The following FAM169A variants were observed in gnomAD, a reference collection of about 807,000 sequenced individuals.
FAM169A encodes family with sequence similarity 169 member A, also known as soluble lamin-associated protein of 75 kDa.
FAM169A carries 24 observed loss-of-function variants against 75.7 expected under a neutral mutation model. The ratio of observed to expected loss-of-function variants is 0.32; its 90% CI spans 0.23 to 0.45. The LOEUF (loss-of-function observed/expected upper bound fraction) is 0.45. Ranked by LOEUF, FAM169A falls within the 20% of genes least tolerant of loss-of-function variation. The pLI, the probability that FAM169A is intolerant of heterozygous loss-of-function variation, is 1.00. For synonymous variants in FAM169A, 271 were observed against 271.0 expected, an observed-to-expected ratio of 1.00 and a Z score of 0.00; for missense variants, 673 against 784.0, an observed-to-expected ratio of 0.86 and a Z score of 1.69.
chr5:74,847,206 G>A (rs950198961), intron 1 of FAM169A, among the ~76,000 whole-genome samples: 2 of 151,986 alleles, frequency 1.3e-5, no homozygotes, highest in East Asian at 1.9e-4. Context: ...TACTCACAAT[G>A]TTGTGCAACC....
chr5:74,828,905 C>G (rs1748171354), intron 5 of FAM169A, among the ~76,000 whole-genome samples: 1 of 152,066 alleles, frequency 6.6e-6, no homozygotes, highest in Non-Finnish European at 1.5e-5. Context: ...GCACTATAGC[C>G]ACACCCTGCC....
intron 1 of FAM169A, among the ~76,000 whole-genome samples, chr5:74,847,094 A>T (rs753661268): frequency 1.5e-4 from 23 of 152,208 alleles, no homozygotes; most frequent in Non-Finnish European, 3.4e-4. Context: ...AAAAACCAAA[A>T]CGCATTCTTC....
intron 12 of FAM169A, 150 bp from the exon 13 acceptor site, chr5:74,782,158 A>T (rs1054233116): frequency 1.6e-6 from 1 of 616,314 alleles, no homozygotes; most frequent in African/African-American, 1.8e-5. Flanking sequence ...CTGTTCTGCT[A>T]TATGTGTATA....
intron 1 of FAM169A, among the ~76,000 whole-genome samples, chr5:74,863,834 A>G (rs1750163035): frequency 6.6e-6 from 1 of 152,182 alleles, no homozygotes. Context: ...AATCAATGTA[A>G]AAGTTTAAGA....
intron 1 of FAM169A, among the ~76,000 whole-genome samples, chr5:74,858,574 G>A (rs72764690): frequency 0.15 from 22,202 of 151,962 alleles, 1,875 homozygotes; most frequent in African/African-American, 0.23. Flanking sequence ...AGACACCAGG[G>A]CTTACTTGAA....
chr5:74,783,370 G>C (rs1745508636), intron 11 of FAM169A, among the ~76,000 whole-genome samples: 1 of 152,158 alleles, frequency 6.6e-6, no homozygotes, highest in Non-Finnish European at 1.5e-5. Flanking sequence ...AAGGAAAGAT[G>C]GGGCAGGACC....
intron 5 of FAM169A, 59 bp downstream of exon 5, chr5:74,834,367 G>T: frequency 9.9e-7 from 1 of 1,007,586 alleles, no homozygotes. Context: ...GATACAGTTG[G>T]AGGGGTCTAA....
chr5:74,784,378 C>T (rs1745562377), intron 11 of FAM169A, among the ~76,000 whole-genome samples: 1 of 151,594 alleles, frequency 6.6e-6, no homozygotes, highest in Admixed American at 6.6e-5. Context: ...GGCATGGCGG[C>T]ACTCGCCTGT....
chr5:74,829,993 G>A (rs940405162), intron 5 of FAM169A, among the ~76,000 whole-genome samples: 1 of 151,982 alleles, frequency 6.6e-6, no homozygotes, highest in Admixed American at 6.6e-5. Flanking sequence ...AAGAAATATG[G>A]GGAATAAAAT....
chr5:74,831,799 T>C (rs1019163571), intron 5 of FAM169A, among the ~76,000 whole-genome samples: 1 of 152,130 alleles, frequency 6.6e-6, no homozygotes, highest in African/African-American at 2.4e-5. Flanking sequence ...TTTGTTCTGC[T>C]TCCTCCCTAG....
At position 74,783,079 on chromosome 5, in the gene FAM169A, G is replaced by A. The variant is rs1745492100; in HGVS notation, c.1316C>T (p.Ser439Leu). The A allele has an allele frequency of 6.2e-7, 1 of 1,613,608 alleles. No homozygotes were observed. The highest frequency in any genetic ancestry group is 1.3e-5 in the African/African-American group (1 of 74,912). Residue 439 changes from serine (S) to leucine (L), a missense_variant, in exon 12 of 13, where the codon TCA (serine) becomes TTA (leucine). Ser to Leu is a moderately radical substitution (Grantham distance 145). Around this residue, in one of 3 missense-constraint regions of FAM169A, gnomAD observed 510 missense variants for 550.9 expected, o/e 0.93. Coordinates refer to ENST00000687041, the MANE Select transcript of FAM169A (RefSeq NM_001376049.1). The part of the protein sequence containing the change: ...GEIMDDSLKT[S>L]LITEEEDSTS... Reference sequence around the variant, plus strand: ...GGAGTCTTCCTCTTCTGTTATAAGTGAGGTCTTAAGAGAATCGTCCATTAT... The same window carrying A: ...GGAGTCTTCCTCTTCTGTTATAAGTAAGGTCTTAAGAGAATCGTCCATTAT...
At chr5:74,850,141 T>G (rs1359211702) in intron 1 of FAM169A, among the ~76,000 whole-genome samples, 1 of 152,128 alleles carries the variant, frequency 6.6e-6, no homozygotes, top group Non-Finnish European at 1.5e-5. Flanking sequence ...ACCCATGAGG[T>G]GGGTGTTTTA....
intron 11 of FAM169A, among the ~76,000 whole-genome samples, chr5:74,783,832 TA>T (rs1195582000): frequency 6.6e-6 from 1 of 152,176 alleles, no homozygotes; most frequent in East Asian, 1.9e-4. Flanking sequence ...TTCTAATAAT[TA>T]AGGGGAATTT....
intron 5 of FAM169A, among the ~76,000 whole-genome samples, chr5:74,818,267 C>A (rs1421205415): frequency 6.6e-6 from 1 of 151,972 alleles, no homozygotes; most frequent in Non-Finnish European, 1.5e-5. Context: ...TGACAAGGGT[C>A]TTGTATCTAA....
intron 10 of FAM169A, 66 bp from the exon 11 acceptor site, chr5:74,796,252 C>G (rs1202535639): frequency 4.9e-6 from 7 of 1,436,370 alleles, no homozygotes; most frequent in Non-Finnish European, 6.6e-6. Context: ...CTCAGAAGTC[C>G]TTTCTTAAAG....
intron 1 of FAM169A, among the ~76,000 whole-genome samples, chr5:74,853,675 T>A (rs1173340204): frequency 6.6e-6 from 1 of 151,890 alleles, no homozygotes; most frequent in Non-Finnish European, 1.5e-5. Context: ...ACTTTCTATA[T>A]CTAATCACTG....
rs56815603 is a variant in FAM169A, at chr5:74,819,993, C to CTTTTTT, written c.491-5980_491-5975dup. 6.7e-5 allele frequency among the ~76,000 whole-genome samples: 8 copies of CTTTTTT among 119,076 alleles called. 1 individual carries two copies. The highest frequency in any genetic ancestry group is 1.6e-4 in the African/African-American group (5 of 30,580). The allele number at this position is 119,076 out of a possible 152,430, so 78.1% of individuals were successfully genotyped here. Reference sequence around the variant, plus strand: ...GTATTTTTAAAAACTGAATTGTATCCTTTTTTTTTTTTTTTTTTTTGAGGC... The same window carrying CTTTTTT: ...GTATTTTTAAAAACTGAATTGTATCCTTTTTTTTTTTTTTTTTTTTTTTTTTGAGGC... On this transcript the variant is annotated intron_variant, in intron 5 of 12. Transcript: ENST00000687041.
At chr5:74,792,956 T>C (rs1189908040) in intron 11 of FAM169A, among the ~76,000 whole-genome samples, 2 of 152,242 alleles carry the variant, frequency 1.3e-5, no homozygotes, top group African/African-American at 4.8e-5. Flanking sequence ...TGCATGTTTA[T>C]AGCAGCACAA....
intron 6 of FAM169A, among the ~76,000 whole-genome samples, chr5:74,811,524 T>A (rs1454302473): frequency 6.6e-6 from 1 of 152,168 alleles, no homozygotes; most frequent in African/African-American, 2.4e-5. Context: ...CTGTACTTGG[T>A]TCCTGTTTTC....
Sources: allele counts gnomAD v4.1 joint callset (sites outside exome capture counted in the v4.1 genomes callset), GRCh38; gene constraint gnomAD v4.1.1; regional missense constraint gnomAD v4.1.1; transcripts MANE v1.5; gene names NCBI Gene and HGNC (gene_info 2026-07-23, HGNC 2026-07-21).